Variants in CYP4Z1 observed in about 807,000 individuals in gnomAD.
The protein encoded by CYP4Z1 is cytochrome P450 4Z1.
In CYP4Z1, 41 loss-of-function variants were observed where a neutral mutation model predicts 54.2. That is an observed-to-expected ratio of 0.76 (90% confidence interval 0.59 to 0.98). The LOEUF is 0.98. CYP4Z1 is among the 50% of genes least tolerant of loss of function. CYP4Z1 has a pLI of 0.00. For synonymous variants in CYP4Z1, 163 were observed against 206.2 expected, an observed-to-expected ratio of 0.79 and a Z score of 1.79; for missense variants, 513 against 599.0, an observed-to-expected ratio of 0.86 and a Z score of 1.50.
At chr1:47,105,907 C>A (rs574136158) in intron 8 of CYP4Z1, among the ~76,000 whole-genome samples, 1 of 126,104 alleles carries the variant, frequency 7.9e-6, no homozygotes, top group Non-Finnish European at 1.6e-5. Context: ...AGGATAAGAG[C>A]CCTATATCTG....
chr1:47,063,077 T>G (rs1644432226), upstream of CYP4Z1, among the ~76,000 whole-genome samples: 1 of 152,024 alleles, frequency 6.6e-6, no homozygotes. Context: ...TTACAGACAC[T>G]CCCCAGTAGC....
intron 6 of CYP4Z1, among the ~76,000 whole-genome samples, chr1:47,089,191 T>C (rs1190594702): frequency 6.6e-6 from 1 of 152,016 alleles, no homozygotes; most frequent in African/African-American, 2.4e-5. Context: ...CAACATGTAG[T>C]CTTTATTTAT....
At chr1:47,070,231 C>CATTAATTG (rs1644481559) in intron 2 of CYP4Z1, among the ~76,000 whole-genome samples, 1 of 105,978 alleles carries the variant, frequency 9.4e-6, no homozygotes, top group Non-Finnish European at 1.8e-5. Flanking sequence ...TCTCTAGTGT[C>CATTAATTG]ATTAATTGAT....
intron 6 of CYP4Z1, among the ~76,000 whole-genome samples, chr1:47,089,732 A>C (rs1352725249): frequency 6.6e-6 from 1 of 152,250 alleles, no homozygotes; most frequent in African/African-American, 2.4e-5. Context: ...CCACACATGA[A>C]CAAGCTATTT....
intron 9 of CYP4Z1, among the ~76,000 whole-genome samples, chr1:47,109,967 G>A (rs1644781847): frequency 6.6e-6 from 1 of 152,038 alleles, no homozygotes; most frequent in East Asian, 1.9e-4. Context: ...CCTCAATAAA[G>A]TAGGAAATTT....
At position 47,116,697 on chromosome 1, in the gene CYP4Z1, T is replaced by G. The variant is rs1187296208; in HGVS notation, c.1314T>G (p.His438Gln). ...CCAGGGAAAATTCTGAAAAAATACA[T>G]CCCTATGCCTTCATACCATTCTCAG... is the stretch of plus-strand genomic sequence containing the variant. ...RFSRENSEKI[H>Q]PYAFIPFSAG... The change falls in exon 11 of 12, where the codon CAT (histidine) becomes CAG (glutamine). Residue 438 changes from histidine to glutamine, a missense_variant. Physicochemically the swap from His to Gln is conservative, Grantham distance 24. Coordinates refer to ENST00000334194, the MANE Select transcript of CYP4Z1 (RefSeq NM_178134.3). 1 of 1,611,934 alleles carries G rather than the reference T, an allele frequency of 6.2e-7. No individual in the cohort carries two copies. Among genetic ancestry groups the G allele is most frequent in the Non-Finnish European group, 8.5e-7 (1 of 1,178,750 alleles).
rs144762249 is a variant in CYP4Z1 at position 47,077,364 on chromosome 1, A to G, written c.320-3259A>G. 2.4e-4 allele frequency among the ~76,000 whole-genome samples: 37 copies of G among 152,204 alleles called. No homozygotes were observed. In the East Asian group the frequency reaches 6.4e-3, roughly 26 times the overall value. On this transcript the variant is annotated intron_variant, in intron 2 of 11. Transcript: ENST00000334194. ...TCTTTGTGTCACAATATTTTAAGGT[A>G]TAGTTAACTGATAATCACCCAGCTC...
intron 8 of CYP4Z1, among the ~76,000 whole-genome samples, chr1:47,101,369 T>C (rs573337657): frequency 6.6e-6 from 1 of 152,320 alleles, no homozygotes; most frequent in South Asian, 2.1e-4. Context: ...TTCTAGGTTT[T>C]TGCTGTAGGC....
At chr1:47,069,134 A>C (rs1445172094) in intron 2 of CYP4Z1, among the ~76,000 whole-genome samples, 1 of 152,252 alleles carries the variant, frequency 6.6e-6, no homozygotes, top group Non-Finnish European at 1.5e-5. Flanking sequence ...CACAGAGATG[A>C]GTGTTCCCCA....
At chr1:47,068,138 G>C (rs1045836728) in intron 1 of CYP4Z1, among the ~76,000 whole-genome samples, 1 of 152,212 alleles carries the variant, frequency 6.6e-6, no homozygotes, top group Non-Finnish European at 1.5e-5. Flanking sequence ...GTGAGACTTC[G>C]CTGCTTTGGA....
At chr1:47,086,129 T>C (rs975736204) in intron 6 of CYP4Z1, among the ~76,000 whole-genome samples, 2 of 152,172 alleles carry the variant, frequency 1.3e-5, no homozygotes, top group Admixed American at 6.5e-5. Context: ...GTCTTTGCTA[T>C]TGTGAAAAGT....
At chr1:47,092,483 T>C (rs1271227854) in intron 6 of CYP4Z1, among the ~76,000 whole-genome samples, 2 of 150,904 alleles carry the variant, frequency 1.3e-5, no homozygotes, top group Non-Finnish European at 2.9e-5. Flanking sequence ...TTCTGGTCTC[T>C]TACAGACAGT....
At position 47,067,436 on chromosome 1, in the gene CYP4Z1, A is replaced by C; in HGVS notation, c.-55A>C. On this transcript the variant is annotated 5_prime_UTR_variant, in exon 1 of 12. Coordinates refer to ENST00000334194, the MANE Select transcript of CYP4Z1 (RefSeq NM_178134.3). ...TCCTTTGTGTTTATGAGAGACCTGC[A>C]TTCTCCCTGGCTCAGTTCTCTCAGG... 2 of 1,458,542 alleles carry C rather than the reference A, an allele frequency of 1.4e-6. No homozygotes were observed. The highest frequency in any genetic ancestry group is 1.8e-6 in the Non-Finnish European group (2 of 1,093,340). The allele number at this position is 1,458,542 out of a possible 1,614,324, so 90.4% of individuals were successfully genotyped here. A position where few individuals can be genotyped will look rare whatever the true frequency, so the allele number is the denominator to read the frequency against.
Position 47,082,375 on chromosome 1 carries a change from C to T in CYP4Z1, c.406C>T (p.His136Tyr). The T allele has an allele frequency of 6.2e-7, 1 of 1,613,024 alleles. No homozygotes were observed. Among genetic ancestry groups the T allele is most frequent in the Non-Finnish European group, 8.5e-7 (1 of 1,179,618 alleles). Reference protein sequence around the residue: ...VTLDGSKWKKHRQIVKPGFNI... With the variant: ...VTLDGSKWKKYRQIVKPGFNI... The stretch of plus-strand genomic sequence containing the variant: ...CCTGGATGGTTCTAAATGGAAAAAG[C>T]ACCGCCAGATTGTGAAACCTGGCTT... The change falls in exon 4 of 12, where the codon CAC becomes TAC. Residue 136 changes from histidine to tyrosine, a missense_variant. By Grantham distance (83) the His-to-Tyr change is moderately conservative. Coordinates refer to ENST00000334194, the MANE Select transcript of CYP4Z1 (RefSeq NM_178134.3).
intron 9 of CYP4Z1, among the ~76,000 whole-genome samples, chr1:47,108,521 CAT>C (rs1491067846): frequency 2.7e-5 from 4 of 150,608 alleles, no homozygotes; most frequent in African/African-American, 9.7e-5. Context: ...TAAAAAGAAA[CAT>C]GTTTATGATG....
intron 11 of CYP4Z1, 109 bp downstream of exon 11, chr1:47,116,841 T>C (rs1644833945): frequency 2.6e-6 from 2 of 771,470 alleles, no homozygotes; most frequent in Non-Finnish European, 4.1e-6. Flanking sequence ...TGCTCCCCAT[T>C]ATTTTACCTG....
At chr1:47,057,335 A>AAAAAATAT in the CYP4Z1 span, among the ~76,000 whole-genome samples, 5 of 28,484 alleles carry the variant, frequency 1.8e-4, no homozygotes, top group African/African-American at 2.7e-4. Context: ...AAGAAAAAAA[A>AAAAAATAT]ATATATATAT....
chr1:47,076,739 A>G (rs980758857), intron 2 of CYP4Z1, among the ~76,000 whole-genome samples: 1 of 149,690 alleles, frequency 6.7e-6, no homozygotes, highest in Non-Finnish European at 1.5e-5. Context: ...CAGCTACTTG[A>G]GAGGCTGAGG....
intron 8 of CYP4Z1, among the ~76,000 whole-genome samples, chr1:47,100,203 A>G (rs1644711319): frequency 6.6e-6 from 1 of 152,114 alleles, no homozygotes; most frequent in South Asian, 2.1e-4. Flanking sequence ...GGTCATTTTC[A>G]TTCCTCTATG....
Sources: gnomAD v4.1 joint callset for allele counts (sites outside exome capture counted in the v4.1 genomes callset) on GRCh38, gnomAD v4.1.1 for gene constraint, MANE v1.5 for transcripts, NCBI Gene and HGNC (gene_info 2026-07-23, HGNC 2026-07-21) for gene names.